Variants in AKAP19 observed in about 807,000 individuals in gnomAD.
AKAP19 encodes A-kinase anchoring protein 19, also known as small A-kinase anchoring protein.
the AKAP19 span, among the ~76,000 whole-genome samples, chr2:190,104,306 C>G: frequency 6.6e-6 from 1 of 152,134 alleles, no homozygotes; most frequent in Non-Finnish European, 1.5e-5. Context: ...GTCCTCCAAG[C>G]AATTGCAACA....
chr2:189,951,726 T>G, the AKAP19 span, among the ~76,000 whole-genome samples: 1 of 152,202 alleles, frequency 6.6e-6, no homozygotes, highest in African/African-American at 2.4e-5. Flanking sequence ...CATCTTCGTT[T>G]TAGAATAGCA....
the AKAP19 span, among the ~76,000 whole-genome samples, chr2:190,136,563 A>C: frequency 2.6e-5 from 4 of 152,178 alleles, no homozygotes; most frequent in African/African-American, 9.6e-5. Flanking sequence ...ATTCCCCTAC[A>C]CTTCCTTGTA....
chr2:189,933,716 T>G, the AKAP19 span, among the ~76,000 whole-genome samples: 1 of 152,196 alleles, frequency 6.6e-6, no homozygotes, highest in Non-Finnish European at 1.5e-5. Flanking sequence ...TTATTAATGA[T>G]AATAACCTAT....
chr2:189,964,297 A>G, the AKAP19 span, among the ~76,000 whole-genome samples: 2 of 152,304 alleles, frequency 1.3e-5, no homozygotes, highest in East Asian at 3.9e-4. Context: ...CCCATGCTCT[A>G]AACAGATGTA....
the AKAP19 span, among the ~76,000 whole-genome samples, chr2:189,883,406 G>A: frequency 1.5e-4 from 23 of 152,086 alleles, no homozygotes; most frequent in East Asian, 3.7e-3. Context: ...ACCTGACTAT[G>A]CTGTTATAGA....
the AKAP19 span, among the ~76,000 whole-genome samples, chr2:190,132,488 G>C: frequency 2.4e-4 from 36 of 152,260 alleles, no homozygotes; most frequent in Admixed American, 1.3e-3. Context: ...CGCTTTTACA[G>C]TTAATTTATT....
the AKAP19 span, among the ~76,000 whole-genome samples, chr2:190,194,919 C>G: frequency 6.6e-6 from 1 of 152,258 alleles, no homozygotes; most frequent in South Asian, 2.1e-4. Context: ...GTGGTGCAAT[C>G]AATCTTAACT....
At chr2:189,969,787 A>G in the AKAP19 span, among the ~76,000 whole-genome samples, 1 of 148,358 alleles carries the variant, frequency 6.7e-6, no homozygotes, top group African/African-American at 2.5e-5. Context: ...AAACATTTTG[A>G]CCTAAGTTTT....
At chr2:190,121,865 C>T in the AKAP19 span, among the ~76,000 whole-genome samples, 8 of 152,096 alleles carry the variant, frequency 5.3e-5, no homozygotes, top group Admixed American at 2.0e-4. Context: ...GCTTAAAATA[C>T]CCATGGGATT....
chr2:190,124,365 C>T, the AKAP19 span, among the ~76,000 whole-genome samples: 463 of 152,302 alleles, frequency 3.0e-3, 3 homozygotes, highest in African/African-American at 0.011. Context: ...TAGCCTATAA[C>T]TTCTAGTCTA....
chr2:189,967,876 T>C, the AKAP19 span, among the ~76,000 whole-genome samples: 1 of 151,116 alleles, frequency 6.6e-6, no homozygotes, highest in Non-Finnish European at 1.5e-5. Flanking sequence ...AGGAACATTG[T>C]CTAAAGTCAT....
At chr2:189,947,974 C>T in the AKAP19 span, among the ~76,000 whole-genome samples, 3 of 152,098 alleles carry the variant, frequency 2.0e-5, no homozygotes, top group African/African-American at 7.2e-5. Context: ...CCAAATTCAT[C>T]ATCAGTGTTG....
the AKAP19 span, among the ~76,000 whole-genome samples, chr2:189,889,638 C>A: frequency 6.6e-6 from 1 of 152,176 alleles, no homozygotes; most frequent in Non-Finnish European, 1.5e-5. Flanking sequence ...GATTCAACTT[C>A]TTCCTGGTTT....
At chr2:190,058,665 T>C in the AKAP19 span, among the ~76,000 whole-genome samples, 1 of 151,950 alleles carries the variant, frequency 6.6e-6, no homozygotes, top group Non-Finnish European at 1.5e-5. Flanking sequence ...CATGGAATAC[T>C]ATTTAACCAT....
chr2:189,976,140 G>A, the AKAP19 span, among the ~76,000 whole-genome samples: 66 of 152,110 alleles, frequency 4.3e-4, no homozygotes, highest in Non-Finnish European at 8.2e-4. Flanking sequence ...TGATGGTGAC[G>A]TACAGATGGG....
chr2:190,075,406 T>G, the AKAP19 span, among the ~76,000 whole-genome samples: 3 of 152,218 alleles, frequency 2.0e-5, no homozygotes, highest in Non-Finnish European at 4.4e-5. Flanking sequence ...CAGGTTTGTT[T>G]AAGTTCTATA....
chr2:189,937,561 T>C, the AKAP19 span, among the ~76,000 whole-genome samples: 1 of 151,990 alleles, frequency 6.6e-6, no homozygotes, highest in East Asian at 1.9e-4. Context: ...AGCAAAACTC[T>C]ATAGGAAAAA....
chr2:189,936,251 CTTG>C, the AKAP19 span, among the ~76,000 whole-genome samples: 1 of 104,734 alleles, frequency 9.5e-6, no homozygotes, highest in Non-Finnish European at 2.0e-5. Flanking sequence ...CTCTGTTAGA[CTTG>C]TTGATACACA....
the AKAP19 span, among the ~76,000 whole-genome samples, chr2:189,948,750 A>G: frequency 6.6e-6 from 1 of 152,196 alleles, no homozygotes; most frequent in Non-Finnish European, 1.5e-5. Context: ...ATACATAACA[A>G]AGTCCTGTGA....
Sources: allele counts gnomAD v4.1 joint callset (sites outside exome capture counted in the v4.1 genomes callset), GRCh38; gene constraint gnomAD v4.1.1; transcripts MANE v1.5; gene names NCBI Gene and HGNC (gene_info 2026-07-23, HGNC 2026-07-21).